TNPO3: variants seen among roughly 807,000 people sequenced by gnomAD.
The protein encoded by TNPO3 is transportin-3.
TNPO3 carries 65 observed loss-of-function variants against 122.8 expected under a neutral mutation model. The observed-to-expected ratio is 0.53, with a 90% CI of 0.43 to 0.65. TNPO3 has a LOEUF of 0.65. Among genes scored for constraint, TNPO3 ranks in the 30% least tolerant of loss-of-function variants. The pLI is 0.00. For missense variants in TNPO3, 850 were observed against 1,136.7 expected, an observed-to-expected ratio of 0.75 and a Z score of 3.63; for synonymous variants, 372 against 411.2, an observed-to-expected ratio of 0.90 and a Z score of 1.15.
At chr7:128,990,777 A>G (rs1390471886) in intron 10 of TNPO3, among the ~76,000 whole-genome samples, 1 of 152,198 alleles carries the variant, frequency 6.6e-6, no homozygotes, top group Non-Finnish European at 1.5e-5. Flanking sequence ...CCCACAAAAT[A>G]TACTGGCTAA....
chr7:129,012,151 G>A (rs1418893154), intron 4 of TNPO3, among the ~76,000 whole-genome samples: 2 of 151,478 alleles, frequency 1.3e-5, no homozygotes, highest in Non-Finnish European at 2.9e-5. Flanking sequence ...GACTACAGGA[G>A]TGCACCACCA....
intron 1 of TNPO3, among the ~76,000 whole-genome samples, chr7:129,048,278 C>T (rs546129526): frequency 6.6e-6 from 1 of 152,070 alleles, no homozygotes; most frequent in Non-Finnish European, 1.5e-5. Flanking sequence ...CCTCTAATCC[C>T]AGCACTTTGG....
chr7:129,053,670 AT>A (rs1253530192), intron 1 of TNPO3, among the ~76,000 whole-genome samples: 1 of 152,180 alleles, frequency 6.6e-6, no homozygotes, highest in Non-Finnish European at 1.5e-5. Flanking sequence ...GCCAAAAAAA[AT>A]ATGGTTGTGA....
chr7:129,045,870 C>T (rs964251376), intron 1 of TNPO3, among the ~76,000 whole-genome samples: 4 of 152,000 alleles, frequency 2.6e-5, no homozygotes, highest in Middle Eastern at 3.2e-3. Flanking sequence ...ATATTTGTAC[C>T]GTACAGTACT....
At chr7:129,045,594 A>G (rs1459877646) in intron 1 of TNPO3, among the ~76,000 whole-genome samples, 1 of 152,202 alleles carries the variant, frequency 6.6e-6, no homozygotes, top group Non-Finnish European at 1.5e-5. Flanking sequence ...TCCTCCATAA[A>G]CATCAGTGCA....
chr7:128,989,467 A>G (rs1440298951), intron 11 of TNPO3, among the ~76,000 whole-genome samples: 8 of 152,178 alleles, frequency 5.3e-5, no homozygotes, highest in Non-Finnish European at 1.0e-4. Flanking sequence ...AGTTGTTACG[A>G]TCTTTAGTTA....
intron 1 of TNPO3, among the ~76,000 whole-genome samples, chr7:129,049,783 G>C (rs1808481358): frequency 6.6e-6 from 1 of 152,212 alleles, no homozygotes; most frequent in Non-Finnish European, 1.5e-5. Flanking sequence ...GATCCGAAAA[G>C]GCTGATATTT....
chr7:129,027,063 C>T (rs1189728656), intron 1 of TNPO3, among the ~76,000 whole-genome samples: 2 of 152,154 alleles, frequency 1.3e-5, no homozygotes, highest in Admixed American at 1.3e-4. Flanking sequence ...CAGGCACGAA[C>T]AATCACACCT....
chr7:128,962,228 G>A (rs538970528), intron 21 of TNPO3, among the ~76,000 whole-genome samples: 6 of 152,114 alleles, frequency 3.9e-5, no homozygotes, highest in Non-Finnish European at 7.4e-5. Context: ...AGCCGGGCGC[G>A]GTGGCGGGTG....
At chr7:128,977,559 T>C (rs559871507) in intron 16 of TNPO3, among the ~76,000 whole-genome samples, 1 of 152,156 alleles carries the variant, frequency 6.6e-6, no homozygotes, top group African/African-American at 2.4e-5. Context: ...GCACCTATGA[T>C]GCAGAATTTA....
At chr7:129,053,137 A>C (rs1808984613) in intron 1 of TNPO3, among the ~76,000 whole-genome samples, 1 of 152,174 alleles carries the variant, frequency 6.6e-6, no homozygotes, top group South Asian at 2.1e-4. Flanking sequence ...CAGCCTGGCC[A>C]ACATGGCGAA....
intron 22 of TNPO3, among the ~76,000 whole-genome samples, chr7:128,955,862 G>C (rs559738823): frequency 6.6e-6 from 1 of 152,326 alleles, no homozygotes; most frequent in South Asian, 2.1e-4. Context: ...TGAGGACTCT[G>C]GTACCAGAAT....
chr7:129,028,642 C>T (rs989240852), intron 1 of TNPO3, among the ~76,000 whole-genome samples: 1 of 152,216 alleles, frequency 6.6e-6, no homozygotes, highest in Non-Finnish European at 1.5e-5. Context: ...GGGCCAGCAT[C>T]TCTGGCGGGC....
intron 18 of TNPO3, among the ~76,000 whole-genome samples, chr7:128,973,228 T>TTG (rs1408633289): frequency 1.1e-4 from 16 of 152,202 alleles, no homozygotes; most frequent in African/African-American, 3.9e-4. Context: ...AAAGAAAAGG[T>TTG]TGTGTGTTCA....
chr7:128,981,326 T>G (rs2150322751), intron 14 of TNPO3, among the ~76,000 whole-genome samples: 1 of 152,320 alleles, frequency 6.6e-6, no homozygotes, highest in South Asian at 2.1e-4. Context: ...AAATTATAAA[T>G]TATGTTACTC....
intron 1 of TNPO3, among the ~76,000 whole-genome samples, chr7:129,038,376 T>C (rs898379451): frequency 3.3e-5 from 5 of 152,118 alleles, no homozygotes; most frequent in African/African-American, 1.2e-4. Flanking sequence ...TTACACACTG[T>C]TGGTGGGAGT....
At chr7:129,050,695 A>G (rs1808653807) in intron 1 of TNPO3, among the ~76,000 whole-genome samples, 1 of 152,224 alleles carries the variant, frequency 6.6e-6, no homozygotes, top group African/African-American at 2.4e-5. Context: ...TGTGAGATCC[A>G]TCCCCTGGCT....
intron 14 of TNPO3, among the ~76,000 whole-genome samples, chr7:128,981,497 GTC>G (rs1337912052): frequency 6.6e-6 from 1 of 152,068 alleles, no homozygotes; most frequent in Non-Finnish European, 1.5e-5. Flanking sequence ...TGAAAGTATG[GTC>G]TCTGGATTAG....
At chr7:128,962,848 G>A (rs763262202) in intron 21 of TNPO3, among the ~76,000 whole-genome samples, 7 of 152,024 alleles carry the variant, frequency 4.6e-5, no homozygotes, top group Non-Finnish European at 1.0e-4. Context: ...CTTTACTTAG[G>A]TCTCTTTTCC....
Sources: gnomAD v4.1 joint callset for allele counts (sites outside exome capture counted in the v4.1 genomes callset) on GRCh38, gnomAD v4.1.1 for gene constraint, MANE v1.5 for transcripts, NCBI Gene and HGNC (gene_info 2026-07-23, HGNC 2026-07-21) for gene names.